The following AGBL1 variants were observed in gnomAD, a reference collection of about 807,000 sequenced individuals.
AGBL1 encodes the protein AGBL carboxypeptidase 1.
Under a neutral mutation model 118.9 loss-of-function variants are expected in AGBL1, and 130 were observed. That is an observed-to-expected ratio of 1.09 (90% CI 0.95 to 1.26). The LOEUF (loss-of-function observed/expected upper bound fraction) is 1.26, where lower values mean the gene tolerates loss of function less well. AGBL1 is among the 50% of genes most tolerant of loss of function. The pLI, the probability that AGBL1 is intolerant of heterozygous loss-of-function variation, is 0.00. For synonymous variants in AGBL1, 555 were observed against 478.9 expected, an observed-to-expected ratio of 1.16 and a Z score of -2.08; for missense variants, 1,584 against 1,298.1, an observed-to-expected ratio of 1.22 and a Z score of -3.38.
At chr15:86,333,281 A>G (rs1371479925) in intron 17 of AGBL1, among the ~76,000 whole-genome samples, 2 of 152,210 alleles carry the variant, frequency 1.3e-5, no homozygotes, top group Admixed American at 1.3e-4. Context: ...AGATTGATAG[A>G]CTGCTAGCTA....
intron 23 of AGBL1, among the ~76,000 whole-genome samples, chr15:86,927,260 A>G (rs2080552182): frequency 1.3e-5 from 2 of 152,136 alleles, no homozygotes; most frequent in Admixed American, 6.5e-5. Context: ...TCTGTTCCTT[A>G]TGCCTCAAAG....
At chr15:86,948,540 A>G (rs1026679786) in intron 23 of AGBL1, among the ~76,000 whole-genome samples, 5 of 152,218 alleles carry the variant, frequency 3.3e-5, no homozygotes, top group African/African-American at 4.8e-5. Context: ...TTTGACTGCC[A>G]TAAGATTACC....
At chr15:86,106,939 T>G (rs1313811773) in intron 1 of AGBL1, among the ~76,000 whole-genome samples, 1 of 152,180 alleles carries the variant, frequency 6.6e-6, no homozygotes, top group African/African-American at 2.4e-5. Context: ...CTGGCAGTGA[T>G]CAATGTTATT....
At chr15:86,921,324 A>C (rs2080479815) in intron 23 of AGBL1, among the ~76,000 whole-genome samples, 1 of 152,160 alleles carries the variant, frequency 6.6e-6, no homozygotes, top group African/African-American at 2.4e-5. Flanking sequence ...TGGCCGTCAG[A>C]GTTCAGTCCT....
At chr15:86,399,404 G>C (rs1393020798) in intron 18 of AGBL1, among the ~76,000 whole-genome samples, 1 of 152,114 alleles carries the variant, frequency 6.6e-6, no homozygotes, top group African/African-American at 2.4e-5. Flanking sequence ...TCTCATCCAA[G>C]TTGGCTCTTT....
chr15:87,028,780 A>C (rs765818015), intron 24 of AGBL1: 2 of 1,579,576 alleles, frequency 1.3e-6, no homozygotes, highest in East Asian at 4.5e-5. Context: ...CAGAAGTTAC[A>C]CGGCTTCAAG....
Position 86,397,510 on chromosome 15 carries a change from T to C in AGBL1, c.2519T>C (p.Ile840Thr), listed in dbSNP as rs76798821. The stretch of plus-strand genomic sequence containing the variant: ...AGGGAAAACTTCATCTTCAAGATCA[T>C]ACCCATGCTCAACCCAGATGGTGTC... Reference protein sequence around the residue: ...LLRENFIFKIIPMLNPDGVIN... With the variant: ...LLRENFIFKITPMLNPDGVIN... The change falls in exon 18 of 23, where the codon ATA becomes ACA. Residue 840 changes from isoleucine to threonine, a missense_variant. Transcript: ENST00000614907. 2 of 1,612,528 alleles carry C rather than the reference T, an allele frequency of 1.2e-6. No homozygotes were observed. Among genetic ancestry groups the C allele is most frequent in the Admixed American group, 3.3e-5 (2 of 59,918 alleles).
At chr15:86,274,776 G>A (rs966412) in intron 15 of AGBL1, among the ~76,000 whole-genome samples, 103,237 of 152,084 alleles carry the variant, frequency 0.68, 36,029 homozygotes, top group African/African-American at 0.8. Context: ...GGCTGACATC[G>A]AGACAGCCAT....
intron 5 of AGBL1, among the ~76,000 whole-genome samples, chr15:86,180,886 G>A (rs192648806): frequency 1.1e-4 from 17 of 152,158 alleles, no homozygotes; most frequent in Admixed American, 1.3e-4. Context: ...CACTAGAGAA[G>A]ATATACAGAT....
chr15:86,452,155 C>T (rs1265727998), intron 18 of AGBL1, among the ~76,000 whole-genome samples: 1 of 152,152 alleles, frequency 6.6e-6, no homozygotes, highest in African/African-American at 2.4e-5. Context: ...CATCTCCTAA[C>T]ATTCCTGGAA....
At chr15:86,270,433 A>G (rs1464486654) in intron 14 of AGBL1, among the ~76,000 whole-genome samples, 2 of 152,208 alleles carry the variant, frequency 1.3e-5, no homozygotes, top group South Asian at 2.1e-4. Context: ...ACAAAATCCA[A>G]TTGGACAACA....
In AGBL1 at chr15:86,827,418, T is replaced by C. The variant is rs1567194708; in HGVS notation, c.3159-79669T>C. ...ATATACATATATATATGTGTATATA[T>C]ATATATATATACACATATATATATG... On this transcript the variant is annotated intron_variant, in intron 22 of 22. Transcript: ENST00000614907. Among the ~76,000 whole-genome samples the C allele has an allele frequency of 0.057, 521 of 9,116 alleles. 141 individuals are homozygous for C. In the East Asian group the frequency reaches 0.62, roughly 11 times the overall value. The allele number at this position is 9,116 out of a possible 152,430, so 6.0% of individuals were successfully genotyped here.
chr15:86,701,623 A>T (rs1012479427), intron 22 of AGBL1, among the ~76,000 whole-genome samples: 2 of 151,576 alleles, frequency 1.3e-5, no homozygotes, highest in African/African-American at 4.9e-5. Context: ...ATGGTAAAAC[A>T]TGTCTCCTCT....
At chr15:86,623,248 G>C (rs1194204368) in intron 21 of AGBL1, among the ~76,000 whole-genome samples, 1 of 128,502 alleles carries the variant, frequency 7.8e-6, no homozygotes, top group Non-Finnish European at 1.7e-5. Flanking sequence ...ATGGGGACGG[G>C]TTTGGAGGAA....
chr15:86,910,557 G>C lies in AGBL1; in HGVS notation c.*3263G>C, dbSNP rs2080336153. ...GTGCTCCTGCTATGCTGGTTGTTCAGTAGTTTGAGGAGTGCCCCAGGTGTG... is the reference window on the plus strand; with the variant it reads ...GTGCTCCTGCTATGCTGGTTGTTCACTAGTTTGAGGAGTGCCCCAGGTGTG... On this transcript the variant is annotated 3_prime_UTR_variant, in exon 23 of 23. Transcript: ENST00000614907. The C allele has an allele frequency of 1.3e-5, 2 of 152,224 alleles. No individual in the cohort carries two copies. The highest frequency in any genetic ancestry group is 6.5e-5 in the Admixed American group (1 of 15,282). The allele number at this position is 152,224 out of a possible 1,614,324, so 9.4% of individuals were successfully genotyped here.
At chr15:86,774,594 GCAGGA>G (rs2078226890) in intron 22 of AGBL1, among the ~76,000 whole-genome samples, 1 of 117,798 alleles carries the variant, frequency 8.5e-6, no homozygotes, top group Admixed American at 8.4e-5. Flanking sequence ...AGCTCTCAGG[GCAGGA>G]AGCTCTAAGT....
rs1159875654 is a variant in AGBL1 at position 86,910,645 on chromosome 15, G to A, written c.*3351G>A. The A allele has an allele frequency of 1.3e-5, 2 of 152,176 alleles. No homozygotes were observed. Among genetic ancestry groups the A allele is most frequent in the South Asian group, 2.1e-4 (1 of 4,820 alleles). The allele number at this position is 152,176 out of a possible 1,614,324, so 9.4% of individuals were successfully genotyped here. A position where few individuals can be genotyped will look rare whatever the true frequency, so the allele number is the denominator to read the frequency against. On this transcript the variant is annotated 3_prime_UTR_variant, in exon 23 of 23. Transcript: ENST00000614907. ...GGTCAAAGATAATAAGTGCAGTTTG[G>A]GGACATGTTAAATGTTGGTGGCCTA...
chr15:86,874,051 A>C (rs1403493221), intron 22 of AGBL1, among the ~76,000 whole-genome samples: 1 of 152,172 alleles, frequency 6.6e-6, no homozygotes, highest in Non-Finnish European at 1.5e-5. Flanking sequence ...AATACTTCCC[A>C]TAACCACCTG....
chr15:86,185,276 G>C (rs1002070543), intron 5 of AGBL1, among the ~76,000 whole-genome samples: 2 of 152,192 alleles, frequency 1.3e-5, no homozygotes, highest in Admixed American at 6.5e-5. Context: ...GAGAGGATGT[G>C]GCAAAATAAG....
Sources: allele counts gnomAD v4.1 joint callset (sites outside exome capture counted in the v4.1 genomes callset), GRCh38; gene constraint gnomAD v4.1.1; transcripts MANE v1.5; gene names NCBI Gene and HGNC (gene_info 2026-07-23, HGNC 2026-07-21).